Variants in CERS1 observed in about 807,000 individuals in gnomAD.
CERS1 encodes the protein Embryonic growth/differentiation factor 1.
A neutral mutation model predicts 35.7 loss-of-function variants in CERS1; 16 were observed. The ratio of observed to expected loss-of-function variants is 0.45; its 90% CI spans 0.30 to 0.68. The LOEUF is 0.68. Among genes scored for constraint, CERS1 ranks in the 30% least tolerant of loss-of-function variants. The probability of loss-of-function intolerance (pLI) is 0.08; values close to 1 mark genes in which losing one functional copy is unlikely to be tolerated. For synonymous variants in CERS1, 243 were observed against 201.6 expected (o/e 1.21, Z -1.74); for missense variants, 454 against 453.9 (o/e 1.00, Z 0.00).
intron 1 of CERS1, among the ~76,000 whole-genome samples, chr19:18,894,269 G>T (rs1462500718): frequency 6.6e-6 from 1 of 151,842 alleles, no homozygotes; most frequent in Non-Finnish European, 1.5e-5. Context: ...GTGGCGGGGC[G>T]CGGCTCCAGA....
intron 2 of CERS1, among the ~76,000 whole-genome samples, chr19:18,893,043 A>G (rs2056532528): frequency 6.6e-6 from 1 of 151,154 alleles, no homozygotes; most frequent in Admixed American, 6.6e-5. Context: ...CAGCCTCCCG[A>G]GTAGCTGGGA....
Position 18,876,536 on chromosome 19 carries a change from T to TTGTGTGTGTG in CERS1, c.1010+2384_1010+2393dup, listed in dbSNP as rs60266196. ...TTTGTTTTGTTTTGTTTTGATTGGG[T>TTGTGTGTGTG]TGTGTGTGTGTGTGTGTGTGTGTGT... On this transcript the variant is annotated intron_variant, in intron 6 of 7. Transcript: ENST00000623882. Among the ~76,000 whole-genome samples, 682 of 143,268 alleles carry TTGTGTGTGTG rather than the reference T, an allele frequency of 4.8e-3. 4 individuals are homozygous for TTGTGTGTGTG. The highest frequency in any genetic ancestry group is 0.016 in the African/African-American group (610 of 38,670). 94.0% of individuals were successfully genotyped at this position (143,268 alleles called of 152,430 possible).
At position 18,870,013 on chromosome 19, in the gene CERS1, C is replaced by A. The variant is rs1311350605; in HGVS notation, c.*564G>T. ...TCCGGGATGTGGCGCACGATGTTTC[C>A]GGCGACCCCCAGCTCCTCCACGTGG... On this transcript the variant is annotated 3_prime_UTR_variant, in exon 7 of 8. Coordinates refer to ENST00000623882, the MANE Select transcript of CERS1 (RefSeq NM_021267.5). The surrounding 1 kb of genome is among the most constrained non-coding windows in gnomAD (Gnocchi z 5.1). 1 of 1,596,740 alleles carries A rather than the reference C, an allele frequency of 6.3e-7. No homozygotes were observed. The highest frequency in any genetic ancestry group is 1.7e-5 in the Admixed American group (1 of 58,442).
In CERS1 at chr19:18,895,782, C is replaced by G. The variant is rs2056610292; in HGVS notation, c.249+42G>C. Reference sequence around the variant, plus strand: ...CCCAGGTCCCCGGTCCCGGCTTCCCCCAGTCCGGGGTCCCCTCGTCCCGGC... The same window carrying G: ...CCCAGGTCCCCGGTCCCGGCTTCCCGCAGTCCGGGGTCCCCTCGTCCCGGC... On this transcript the variant is annotated intron_variant, in intron 1 of 7. Transcript: ENST00000623882. This position sits in a 1 kb window ranked among gnomAD's most constrained non-coding sequence, Gnocchi z 6.4. 1 of 1,126,026 alleles carries G rather than the reference C, an allele frequency of 8.9e-7. No individual in the cohort carries two copies. The highest frequency in any genetic ancestry group is 3.7e-4 in the Middle Eastern group (1 of 2,692). The allele number at this position is 1,126,026 out of a possible 1,614,324, so 69.8% of individuals were successfully genotyped here.
chr19:18,887,190 G>A (rs73923178), intron 2 of CERS1, among the ~76,000 whole-genome samples: 8,634 of 152,306 alleles, frequency 0.057, 290 homozygotes, highest in Middle Eastern at 0.14. Context: ...AATGAAGCAC[G>A]GATCCATGCT....
rs754254557 is a variant in CERS1, at chr19:18,893,510, C to T, written c.315G>A (p.Lys105=). The change falls in exon 2 of 8, where the codon AAG becomes AAA. Residue 105 remains lysine (K), a synonymous_variant. Transcript: ENST00000623882. The part of the protein sequence containing the change: ...DAAKMPESAW[K]FLFYLGSWSY... ...TCCAGCTGCCCAGGTAGAAGAGAAA[C>T]TTCCAAGCGCTCTCGGGCATCTTGG... 6.2e-7 allele frequency: 1 copy of T among 1,610,324 alleles called. No homozygotes were observed. The highest frequency in any genetic ancestry group is 8.5e-7 in the Non-Finnish European group (1 of 1,178,600).
At chr19:18,887,784 A>G (rs1461547354) in intron 2 of CERS1, among the ~76,000 whole-genome samples, 1 of 151,774 alleles carries the variant, frequency 6.6e-6, no homozygotes, top group East Asian at 1.9e-4. Flanking sequence ...TTTATATGGC[A>G]AAAACTTACC....
chr19:18,884,035 G>T, intron 3 of CERS1, 52 bp downstream of exon 3: 1 of 1,566,858 alleles, frequency 6.4e-7, no homozygotes, highest in Non-Finnish European at 8.7e-7. Flanking sequence ...ATCAGCCTCC[G>T]CACTCTGTGT....
chr19:18,881,081 CTG>C (rs1216966212), intron 3 of CERS1, among the ~76,000 whole-genome samples: 3 of 152,170 alleles, frequency 2.0e-5, no homozygotes, highest in Non-Finnish European at 4.4e-5. Context: ...CTGGGGTACT[CTG>C]TGTCCAGATC....
Position 18,870,369 on chromosome 19 carries a change from T to TGA in CERS1, c.*206_*207dup. 1.3e-6 allele frequency: 2 copies of TGA among 1,522,802 alleles called. No individual in the cohort carries two copies. Among genetic ancestry groups the TGA allele is most frequent in the Non-Finnish European group, 1.8e-6 (2 of 1,136,458 alleles). 94.3% of individuals were successfully genotyped at this position (1,522,802 alleles called of 1,614,324 possible). On this transcript the variant is annotated 3_prime_UTR_variant, in exon 7 of 8. Coordinates refer to ENST00000623882, the MANE Select transcript of CERS1 (RefSeq NM_021267.5). The surrounding 1 kb of genome is among the most constrained non-coding windows in gnomAD (Gnocchi z 5.1). ...CCGCGGCGGCCCGGGACCAGTGGGC[T>TGA]GAGGGCGGGGCCGGTGTCCCCGGAG...
intron 2 of CERS1, among the ~76,000 whole-genome samples, chr19:18,886,949 C>T (rs1473116712): frequency 6.6e-6 from 1 of 152,226 alleles, no homozygotes; most frequent in African/African-American, 2.4e-5. Flanking sequence ...TGTCCACTCT[C>T]CTCACTCAGC....
chr19:18,886,457 G>C (rs2056363780), intron 2 of CERS1, among the ~76,000 whole-genome samples: 1 of 152,138 alleles, frequency 6.6e-6, no homozygotes, highest in African/African-American at 2.4e-5. Flanking sequence ...GCTGAGGTGG[G>C]AGGATCACTT....
chr19:18,879,197 G>A (rs375131559), intron 5 of CERS1, 44 bp downstream of exon 5: 152 of 1,610,900 alleles, frequency 9.4e-5, no homozygotes, highest in Middle Eastern at 1.7e-4. Context: ...GGATTGGGAC[G>A]AGGACGGGAC....
intron 3 of CERS1, chr19:18,881,909 A>AGT (rs1224629194): frequency 6.6e-6 from 1 of 152,196 alleles, no homozygotes; most frequent in African/African-American, 2.4e-5. Context: ...TCCCGGGTTC[A>AGT]AGCGATTCTC....
chr19:18,886,869 C>G (rs903649923), intron 2 of CERS1, among the ~76,000 whole-genome samples: 15 of 152,256 alleles, frequency 9.9e-5, no homozygotes, highest in Admixed American at 9.8e-4. Context: ...CCATGCCACC[C>G]CCACCCCAGT....
chr19:18,884,384 G>T (rs569406997), intron 2 of CERS1, 117 bp from the exon 3 acceptor site: 4 of 907,700 alleles, frequency 4.4e-6, no homozygotes, highest in South Asian at 1.9e-5. Flanking sequence ...GTAACCATGC[G>T]TGTCTGACTG....
rs778999415 is a variant in CERS1, at chr19:18,878,949, G to A, written c.991C>T (p.Leu331=). The A allele has an allele frequency of 9.9e-6, 16 of 1,613,766 alleles. No homozygotes were observed. Among genetic ancestry groups the A allele is most frequent in the Non-Finnish European group, 1.4e-5 (16 of 1,179,846 alleles). The part of the protein sequence containing the change: ...REYDTAEAQS[L]KPSKAEKPLR... ...ACTCACTCGGCTTTGCTGGGCTTCAGGCTCTGGGCCTCGGCTGTGTCATAC... is the reference window on the plus strand; with the variant it reads ...ACTCACTCGGCTTTGCTGGGCTTCAAGCTCTGGGCCTCGGCTGTGTCATAC... Residue 331 remains leucine (L), a synonymous_variant, in exon 6 of 8, where the codon CTG becomes TTG. Coordinates refer to ENST00000623882, the MANE Select transcript of CERS1 (RefSeq NM_021267.5). The surrounding 1 kb of genome is among the most constrained non-coding windows in gnomAD (Gnocchi z 4.6).
chr19:18,872,228 TGCA>T (rs2055983023), intron 6 of CERS1, among the ~76,000 whole-genome samples: 1 of 152,262 alleles, frequency 6.6e-6, no homozygotes, highest in Non-Finnish European at 1.5e-5. Context: ...TTGTTTTTTC[TGCA>T]AAAGCTTCAA....
rs141837613 is a variant in CERS1, at chr19:18,879,458, C to T, written c.753-70G>A. 9,009 of 1,509,680 alleles carry T rather than the reference C, an allele frequency of 6.0e-3. 39 individuals are homozygous for T. The highest frequency in any genetic ancestry group is 6.9e-3 in the Non-Finnish European group (7,718 of 1,122,438). The allele number at this position is 1,509,680 out of a possible 1,614,324, so 93.5% of individuals were successfully genotyped here. A position where few individuals can be genotyped will look rare whatever the true frequency, so the allele number is the denominator to read the frequency against. On this transcript the variant is annotated intron_variant, in intron 4 of 7. Coordinates refer to ENST00000623882, the MANE Select transcript of CERS1 (RefSeq NM_021267.5). Reference sequence around the variant, plus strand: ...GCCCTACCCAGTCCCTGTCCTATCCCGTCCTAGACCCACCCTTGCCCCCTT... The same window carrying T: ...GCCCTACCCAGTCCCTGTCCTATCCTGTCCTAGACCCACCCTTGCCCCCTT...
Sources: gnomAD v4.1 joint callset for allele counts (sites outside exome capture counted in the v4.1 genomes callset) on GRCh38, gnomAD v4.1.1 for gene constraint, Gnocchi (gnomAD v3.1) non-coding constraint, MANE v1.5 for transcripts, NCBI Gene and HGNC (gene_info 2026-07-23, HGNC 2026-07-21) for gene names.